Variants in HSPG2 observed in about 807,000 individuals in gnomAD.
HSPG2 encodes the protein basement membrane-specific heparan sulfate proteoglycan core protein.
HSPG2 carries 278 observed loss-of-function variants against 526.6 expected under a neutral mutation model. The ratio of observed to expected loss-of-function variants is 0.53; its 90% CI spans 0.48 to 0.58. The LOEUF (loss-of-function observed/expected upper bound fraction) is 0.58, where lower values mean the gene tolerates loss of function less well. HSPG2 is among the 20% of genes least tolerant of loss of function. The probability of loss-of-function intolerance (pLI) is 0.00; values close to 1 mark genes in which losing one functional copy is unlikely to be tolerated. For missense variants in HSPG2, 5,354 were observed against 6,099.5 expected, an observed-to-expected ratio of 0.88 and a Z score of 4.07; for synonymous variants, 2,465 against 2,555.4, an observed-to-expected ratio of 0.96 and a Z score of 1.07.
rs887489866 is a variant in HSPG2, at chr1:21,904,842, C to T, written c.64-8532G>A. ...CAGCCTGGCTTGGTTCTCAGGTTCT[C>T]CGGCTCCCAGCTGCCCTGCTGCCCT... On this transcript the variant is annotated intron_variant, in intron 1 of 96. Coordinates refer to ENST00000374695, the MANE Select transcript of HSPG2 (RefSeq NM_005529.7). The surrounding 1 kb of genome is among the most constrained non-coding windows in gnomAD (Gnocchi z 4.4). 6.6e-6 allele frequency among the ~76,000 whole-genome samples: 1 copy of T among 152,178 alleles called. No homozygotes were observed. Among genetic ancestry groups the T allele is most frequent in the African/African-American group, 2.4e-5 (1 of 41,444 alleles).
chr1:21,846,184 C>T lies in HSPG2; in HGVS notation c.8388G>A (p.Met2796Ile), dbSNP rs750588551. The change falls in exon 64 of 97, where the codon ATG (methionine) becomes ATA (isoleucine). Residue 2796 changes from methionine (M) to isoleucine (I), a missense_variant. Physicochemically the swap from Met to Ile is conservative, Grantham distance 10. Transcript: ENST00000374695. ...AGGCCTCCAGGGGGCCAGAGCTGCC[C>T]ATCACCCGGCACACGTATTCACCCG... ...ADSGEYVCRV[M>I]GSSGPLEASV... 19 of 1,613,074 alleles carry T rather than the reference C, an allele frequency of 1.2e-5. No homozygotes were observed. The highest frequency in any genetic ancestry group is 1.6e-5 in the Non-Finnish European group (19 of 1,180,020).
In HSPG2 at chr1:21,855,984, C is replaced by T. The variant is rs1572244220; in HGVS notation, c.5576-72G>A. 1.9e-6 allele frequency: 3 copies of T among 1,576,684 alleles called. No homozygotes were observed. The East Asian group carries it at 6.8e-5, about 36-fold the overall frequency. Reference sequence around the variant, plus strand: ...TCTGACTCACACAACAGTCCTGCTGCCTACTTTCTCTGCTTCCAGGCTAGC... The same window carrying T: ...TCTGACTCACACAACAGTCCTGCTGTCTACTTTCTCTGCTTCCAGGCTAGC... On this transcript the variant is annotated intron_variant, in intron 44 of 96. Coordinates refer to ENST00000374695, the MANE Select transcript of HSPG2 (RefSeq NM_005529.7).
chr1:21,899,425 C>G (rs1333269761), intron 1 of HSPG2, among the ~76,000 whole-genome samples: 1 of 152,108 alleles, frequency 6.6e-6, no homozygotes, highest in Admixed American at 6.5e-5. Flanking sequence ...ACTTACTATG[C>G]ACCAGGCACT....
At chr1:21,827,156 C>T (rs371118596) in intron 91 of HSPG2, among the ~76,000 whole-genome samples, 2 of 152,026 alleles carry the variant, frequency 1.3e-5, no homozygotes, top group East Asian at 1.9e-4. Flanking sequence ...TGCAGTGAGC[C>T]GAGATTGTGC....
chr1:21,910,553 G>T (rs980320866), intron 1 of HSPG2, among the ~76,000 whole-genome samples: 3 of 152,220 alleles, frequency 2.0e-5, no homozygotes, highest in Non-Finnish European at 4.4e-5. Context: ...TCCATGGTTA[G>T]GATGAGTAGT....
chr1:21,915,018 G>A (rs1431422617), intron 1 of HSPG2, among the ~76,000 whole-genome samples: 1 of 152,232 alleles, frequency 6.6e-6, no homozygotes, highest in Non-Finnish European at 1.5e-5. Context: ...CCAGGGCCCA[G>A]CCCAGGACCG....
intron 75 of HSPG2, among the ~76,000 whole-genome samples, 173 bp downstream of exon 75, chr1:21,836,629 C>T (rs2098027275): frequency 6.6e-6 from 1 of 152,170 alleles, no homozygotes; most frequent in Admixed American, 6.5e-5. Context: ...GGACCTCATT[C>T]AGTCTTATAT....
chr1:21,846,535 G>T lies in HSPG2; in HGVS notation c.8229C>A (p.Thr2743=), dbSNP rs778825320. The change falls in exon 63 of 97, where the codon ACC becomes ACA. Residue 2743 remains threonine, a synonymous_variant. Coordinates refer to ENST00000374695, the MANE Select transcript of HSPG2 (RefSeq NM_005529.7). The stretch of plus-strand genomic sequence containing the variant: ...CGGGGACCACGCAGTTCAGATCCAG[G>T]GTCTCCCCTTCGGCCACGTGTGAGG... ...SSSSHVAEGE[T]LDLNCVVPGQ... is the part of the protein sequence containing the mutation. 6.2e-7 allele frequency: 1 copy of T among 1,613,778 alleles called. No individual in the cohort carries two copies.
chr1:21,919,066 T>C (rs545069671), intron 1 of HSPG2, among the ~76,000 whole-genome samples: 2 of 152,192 alleles, frequency 1.3e-5, no homozygotes, highest in Non-Finnish European at 2.9e-5. Flanking sequence ...TGGAATGACT[T>C]TGGGGAAATG....
intron 42 of HSPG2, 129 bp from the exon 43 acceptor site, chr1:21,857,514 CT>C (rs1427862145): frequency 6.1e-6 from 5 of 826,210 alleles, no homozygotes; most frequent in African/African-American, 3.3e-5. Context: ...ATTCTACCCC[CT>C]GGCACCTCCC....
chr1:21,874,051 C>T, intron 28 of HSPG2, 40 bp from the exon 29 acceptor site: 1 of 1,510,028 alleles, frequency 6.6e-7, no homozygotes, highest in Non-Finnish European at 9.1e-7. Flanking sequence ...AACGCAGTGG[C>T]TCCTTCCTCT....
Position 21,937,223 on chromosome 1 carries a change from G to C in HSPG2, c.-6C>G. 1.1e-6 allele frequency: 1 copy of C among 948,954 alleles called. No individual in the cohort carries two copies. Among genetic ancestry groups the C allele is most frequent in the Non-Finnish European group, 1.3e-6 (1 of 793,562 alleles). The allele number at this position is 948,954 out of a possible 1,614,324, so 58.8% of individuals were successfully genotyped here. On this transcript the variant is annotated 5_prime_UTR_variant, in exon 1 of 97. Transcript: ENST00000374695. ...CCCGCCGCCCGCCACCCCATGGCCCGGCCCGCGCCGCTCTCTCGCTCGCTC... is the reference window on the plus strand; with the variant it reads ...CCCGCCGCCCGCCACCCCATGGCCCCGCCCGCGCCGCTCTCTCGCTCGCTC...
At position 21,824,290 on chromosome 1, in the gene HSPG2, A is replaced by G. The variant is rs2097962142; in HGVS notation, c.12815+16T>C. 1 of 1,613,616 alleles carries G rather than the reference A, an allele frequency of 6.2e-7. No individual in the cohort carries two copies. The highest frequency in any genetic ancestry group is 1.7e-5 in the Admixed American group (1 of 60,026). On this transcript the variant is annotated intron_variant, in intron 94 of 96. Transcript: ENST00000374695. This position sits in a 1 kb window ranked among gnomAD's most constrained non-coding sequence, Gnocchi z 5.9. ...GACCAGGGAAGGGAGAGGAAGGGCCAGGTGCCAGGACCTACCTGAAGACAA... is the reference window on the plus strand; with the variant it reads ...GACCAGGGAAGGGAGAGGAAGGGCCGGGTGCCAGGACCTACCTGAAGACAA...
In HSPG2 at chr1:21,895,797, T is replaced by A. The variant is rs76227224; in HGVS notation, c.244+125A>T. 1.5e-3 allele frequency: 1,275 copies of A among 871,870 alleles called. 5 individuals are homozygous for A. The African/African-American group carries it at 0.018, about 13-fold the overall frequency. 54.0% of individuals were successfully genotyped at this position (871,870 alleles called of 1,614,324 possible). A position where few individuals can be genotyped will look rare whatever the true frequency, so the allele number is the denominator to read the frequency against. ...AACTGTCACTCAGCAGGTTAAGAGA[T>A]CACACCCACTTCTTCTTGCTTTGTA... is the stretch of plus-strand genomic sequence containing the variant. On this transcript the variant is annotated intron_variant, in intron 3 of 96. Transcript: ENST00000374695. This position sits in a 1 kb window ranked among gnomAD's most constrained non-coding sequence, Gnocchi z 4.1.
rs1458547602 is a variant in HSPG2 at position 21,832,624 on chromosome 1, T to G, written c.11096-18A>C. ...CAGCATCCCTGGGTGGGCACCACTG[T>G]GTAAGGGGCCCCCTTCCAGCCACAG... On this transcript the variant is annotated intron_variant, in intron 80 of 96. Coordinates refer to ENST00000374695, the MANE Select transcript of HSPG2 (RefSeq NM_005529.7). The G allele has an allele frequency of 6.2e-7, 1 of 1,600,506 alleles. No individual in the cohort carries two copies. Among genetic ancestry groups the G allele is most frequent in the East Asian group, 2.2e-5 (1 of 44,792 alleles).
rs560768682 is a variant in HSPG2, at chr1:21,847,233, C to T, written c.8164+121G>A. Reference sequence around the variant, plus strand: ...GGGGTAGCCGTAGCCACTGAACCCACGCATCTTTCCGCTGGCCCTTGCCTG... The same window carrying T: ...GGGGTAGCCGTAGCCACTGAACCCATGCATCTTTCCGCTGGCCCTTGCCTG... On this transcript the variant is annotated intron_variant, in intron 62 of 96. Coordinates refer to ENST00000374695, the MANE Select transcript of HSPG2 (RefSeq NM_005529.7). This position sits in a 1 kb window ranked among gnomAD's most constrained non-coding sequence, Gnocchi z 4.1. 1.2e-4 allele frequency: 129 copies of T among 1,086,770 alleles called. No individual in the cohort carries two copies. The highest frequency in any genetic ancestry group is 2.7e-4 in the Admixed American group (15 of 55,846). The allele number at this position is 1,086,770 out of a possible 1,614,324, so 67.3% of individuals were successfully genotyped here.
At position 21,854,639 on chromosome 1, in the gene HSPG2, C is replaced by T. The variant is rs141582415; in HGVS notation, c.6260G>A (p.Arg2087Gln). 48 of 1,582,792 alleles carry T rather than the reference C, an allele frequency of 3.0e-5. No individual in the cohort carries two copies. The highest frequency in any genetic ancestry group is 2.9e-4 in the South Asian group (25 of 86,834). ...SAHAQVTWYR[R>Q]GGSLPPHTQV... is the part of the protein sequence containing the mutation. ...GGTGTGGGGAGGCAGGCTACCCCCT[C>T]GCCTGTACCAGGTGACCTGGGCATG... is the stretch of plus-strand genomic sequence containing the variant. The change falls in exon 49 of 97, where the codon CGA becomes CAA. Residue 2087 changes from arginine (R) to glutamine (Q), a missense_variant. Transcript: ENST00000374695.
rs774968589 is a variant in HSPG2, at chr1:21,824,179, G to A, written c.12841C>T (p.Arg4281Cys). The A allele has an allele frequency of 2.1e-5, 34 of 1,613,722 alleles. No homozygotes were observed. In the East Asian group the frequency reaches 6.0e-4, roughly 29 times the overall value. ...FRYQLGSGEA[R>C]LVSEDPINDG... The stretch of plus-strand genomic sequence containing the variant: ...TTGATGGGGTCCTCAGAGACCAGGC[G>A]GGCCTCCCCACTACCCAGCTGGTAC... The change falls in exon 95 of 97, where the codon CGC becomes TGC. Residue 4281 changes from arginine (R) to cysteine (C), a missense_variant. Physicochemically the swap from Arg to Cys is radical, Grantham distance 180. Transcript: ENST00000374695. The surrounding 1 kb of genome is among the most constrained non-coding windows in gnomAD (Gnocchi z 5.9).
intron 85 of HSPG2, 181 bp from the exon 86 acceptor site, chr1:21,830,272 A>G: frequency 1.6e-6 from 1 of 618,152 alleles, no homozygotes; most frequent in Non-Finnish European, 2.9e-6. Context: ...AAGAGGCCAC[A>G]GGGAGGACTG....
Sources: allele counts gnomAD v4.1 joint callset (sites outside exome capture counted in the v4.1 genomes callset), GRCh38; gene constraint gnomAD v4.1.1; non-coding constraint Gnocchi (gnomAD v3.1); transcripts MANE v1.5; gene names NCBI Gene and HGNC (gene_info 2026-07-23, HGNC 2026-07-21).